The following SLC39A8 variants were observed in gnomAD, a reference collection of about 807,000 sequenced individuals.
SLC39A8 encodes solute carrier family 39 member 8.
In SLC39A8, 15 loss-of-function variants were observed where a neutral mutation model predicts 40.4. That is an observed-to-expected ratio of 0.37 (90% confidence interval 0.25 to 0.57). The LOEUF (loss-of-function observed/expected upper bound fraction) is 0.57. Ranked by LOEUF, SLC39A8 falls within the 20% of genes least tolerant of loss-of-function variation. The pLI, the probability that SLC39A8 is intolerant of heterozygous loss-of-function variation, is 0.75. For missense variants in SLC39A8, 472 were observed against 558.8 expected (o/e 0.84, Z 1.57); for synonymous variants, 223 against 221.6 (o/e 1.01, Z -0.06).
intron 2 of SLC39A8, among the ~76,000 whole-genome samples, chr4:102,336,754 C>G (rs1330291138): frequency 6.6e-6 from 1 of 152,144 alleles, no homozygotes; most frequent in Non-Finnish European, 1.5e-5. Flanking sequence ...TCTATGCTCC[C>G]AAATCCTATC....
At chr4:102,328,633 CATT>C (rs1735318003) in intron 2 of SLC39A8, among the ~76,000 whole-genome samples, 2 of 152,226 alleles carry the variant, frequency 1.3e-5, no homozygotes, top group Admixed American at 1.3e-4. Context: ...AAATGTCAGA[CATT>C]ATGCTAGTTA....
chr4:102,274,476 T>C (rs1438056324), intron 6 of SLC39A8, among the ~76,000 whole-genome samples: 1 of 152,216 alleles, frequency 6.6e-6, no homozygotes, highest in Non-Finnish European at 1.5e-5. Flanking sequence ...CTACGTTTGA[T>C]TGGTGTACCT....
chr4:102,272,401 G>T (rs574697111), intron 6 of SLC39A8, among the ~76,000 whole-genome samples: 1 of 151,364 alleles, frequency 6.6e-6, no homozygotes, highest in African/African-American at 2.4e-5. Context: ...ATCGCAGTGA[G>T]CCGAGCCTGG....
At chr4:102,320,168 CATATATATAT>C (rs70937533) in intron 2 of SLC39A8, among the ~76,000 whole-genome samples, 4 of 101,936 alleles carry the variant, frequency 3.9e-5, no homozygotes, top group East Asian at 5.9e-4. Flanking sequence ...TATATATATA[CATATATATAT>C]ATATATATAT....
At chr4:102,282,471 C>T (rs1732935419) in intron 6 of SLC39A8, among the ~76,000 whole-genome samples, 1 of 152,054 alleles carries the variant, frequency 6.6e-6, no homozygotes, top group South Asian at 2.1e-4. Context: ...TGCAGAGATG[C>T]TTTTGTTGTT....
At chr4:102,269,688 T>C (rs1407261011) in intron 6 of SLC39A8, 1 of 152,226 alleles carries the variant, frequency 6.6e-6, no homozygotes, top group East Asian at 1.9e-4. Context: ...TTGGCAACAG[T>C]GCTTTACTAC....
At chr4:102,268,410 A>T (rs1428859854) in intron 6 of SLC39A8, among the ~76,000 whole-genome samples, 3 of 152,362 alleles carry the variant, frequency 2.0e-5, no homozygotes, top group Non-Finnish European at 4.4e-5. Context: ...ATTTATACAC[A>T]AGATTTAAAA....
At chr4:102,281,792 G>A (rs1212033119) in intron 6 of SLC39A8, among the ~76,000 whole-genome samples, 2 of 152,142 alleles carry the variant, frequency 1.3e-5, no homozygotes, top group African/African-American at 2.4e-5. Flanking sequence ...AGCCACACAA[G>A]ATAAGGGTAC....
At chr4:102,299,371 G>A (rs1733814198) in intron 6 of SLC39A8, among the ~76,000 whole-genome samples, 1 of 151,776 alleles carries the variant, frequency 6.6e-6, no homozygotes, top group Non-Finnish European at 1.5e-5. Flanking sequence ...GTTATGGAAG[G>A]GTGGAAAGTT....
intron 6 of SLC39A8, among the ~76,000 whole-genome samples, chr4:102,295,103 ATG>A (rs1733627345): frequency 6.7e-6 from 1 of 148,552 alleles, no homozygotes; most frequent in African/African-American, 2.4e-5. Flanking sequence ...AATAATATAT[ATG>A]TATATGATAC....
chr4:102,270,094 T>C (rs1464616244), intron 6 of SLC39A8, among the ~76,000 whole-genome samples: 1 of 152,202 alleles, frequency 6.6e-6, no homozygotes, highest in African/African-American at 2.4e-5. Flanking sequence ...TTAATGAGAT[T>C]ATTTTGAATT....
chr4:102,293,725 G>A (rs1405832055), intron 6 of SLC39A8, among the ~76,000 whole-genome samples: 2 of 151,890 alleles, frequency 1.3e-5, no homozygotes, highest in Non-Finnish European at 2.9e-5. Flanking sequence ...TCATAAAAAT[G>A]TAAGCTGCAG....
At chr4:102,338,434 C>T (rs1386371011) in intron 2 of SLC39A8, among the ~76,000 whole-genome samples, 1 of 152,126 alleles carries the variant, frequency 6.6e-6, no homozygotes, top group Non-Finnish European at 1.5e-5. Flanking sequence ...GATCTGCCCC[C>T]CTCAGCCTCC....
chr4:102,299,969 C>A (rs1373346972), intron 6 of SLC39A8, among the ~76,000 whole-genome samples: 1 of 152,068 alleles, frequency 6.6e-6, no homozygotes, highest in Non-Finnish European at 1.5e-5. Context: ...CTTGGCTACA[C>A]AGGAACGTCG....
intron 6 of SLC39A8, among the ~76,000 whole-genome samples, chr4:102,294,336 C>A (rs1479586458): frequency 6.6e-6 from 1 of 152,024 alleles, no homozygotes; most frequent in Non-Finnish European, 1.5e-5. Context: ...CCTGCCAAGT[C>A]AGTTTAGCAA....
At chr4:102,304,601 T>G (rs1734069131) in intron 5 of SLC39A8, 120 bp from the exon 6 acceptor site, 1 of 729,338 alleles carries the variant, frequency 1.4e-6, no homozygotes, top group South Asian at 2.4e-5. Flanking sequence ...ATTCTATGTG[T>G]AAAGAAGTAT....
chr4:102,276,820 G>A (rs1289200342), intron 6 of SLC39A8, among the ~76,000 whole-genome samples: 3 of 152,064 alleles, frequency 2.0e-5, no homozygotes, highest in East Asian at 1.9e-4. Context: ...CCTGGGATGC[G>A]AGGATGGTTC....
At chr4:102,287,674 T>C (rs1305822426) in intron 6 of SLC39A8, among the ~76,000 whole-genome samples, 1 of 152,160 alleles carries the variant, frequency 6.6e-6, no homozygotes, top group African/African-American at 2.4e-5. Flanking sequence ...TAGTTTTATA[T>C]GCTCAAAAAT....
intron 6 of SLC39A8, among the ~76,000 whole-genome samples, chr4:102,272,261 G>A (rs1440753197): frequency 6.6e-5 from 10 of 151,946 alleles, no homozygotes; most frequent in East Asian, 5.8e-4. Context: ...GTGAAACCCC[G>A]TCTCTACTAA....
Sources: allele counts gnomAD v4.1 joint callset (sites outside exome capture counted in the v4.1 genomes callset), GRCh38; gene constraint gnomAD v4.1.1; transcripts MANE v1.5; gene names NCBI Gene and HGNC (gene_info 2026-07-23, HGNC 2026-07-21).